IKZF3: variants seen among roughly 807,000 people sequenced by gnomAD.
IKZF3 encodes zinc finger protein Aiolos.
A neutral mutation model predicts 49.0 loss-of-function variants in IKZF3; 10 were observed. That is an observed-to-expected ratio of 0.20 (90% CI 0.13 to 0.35). IKZF3 has a LOEUF of 0.35. IKZF3 is among the 10% of genes least tolerant of loss of function. The probability of loss-of-function intolerance (pLI) is 1.00; values close to 1 mark genes in which losing one functional copy is unlikely to be tolerated. For synonymous variants in IKZF3, 209 were observed against 228.2 expected (o/e 0.92, Z 0.76); for missense variants, 498 against 664.8 (o/e 0.75, Z 2.76).
At chr17:39,780,652 T>C (rs991047376) in intron 6 of IKZF3, among the ~76,000 whole-genome samples, 73 of 151,388 alleles carry the variant, frequency 4.8e-4, no homozygotes, top group African/African-American at 1.6e-3. Context: ...GCCACTGCAC[T>C]CAGCCAAAGC....
chr17:39,793,288 C>T (rs988279188), intron 3 of IKZF3, among the ~76,000 whole-genome samples: 2 of 152,120 alleles, frequency 1.3e-5, no homozygotes, highest in African/African-American at 4.8e-5. Flanking sequence ...AGATCTAGTA[C>T]TGTTTTTGGT....
chr17:39,808,292 C>A (rs2061477618), intron 3 of IKZF3, among the ~76,000 whole-genome samples: 1 of 152,050 alleles, frequency 6.6e-6, no homozygotes, highest in African/African-American at 2.4e-5. Flanking sequence ...CAAGAATTAG[C>A]TTGTTGAAAA....
In IKZF3 at chr17:39,791,297, G is replaced by GT. The variant is rs1300671961; in HGVS notation, c.592+118dup. The GT allele has an allele frequency of 4.4e-5, 47 of 1,069,062 alleles. No individual in the cohort carries two copies. In the East Asian group the frequency reaches 1.1e-3, roughly 25 times the overall value. 66.2% of individuals were successfully genotyped at this position (1,069,062 alleles called of 1,614,324 possible). A position where few individuals can be genotyped will look rare whatever the true frequency, so the allele number is the denominator to read the frequency against. ...ATTAGCCCTAGAGGTCTCTGCTGTT[G>GT]TAACCCTTCAGAACAAGAATGACAG... On this transcript the variant is annotated intron_variant, in intron 5 of 7. Transcript: ENST00000346872.
intron 3 of IKZF3, among the ~76,000 whole-genome samples, chr17:39,806,948 G>A (rs1322361484): frequency 6.6e-6 from 1 of 152,174 alleles, no homozygotes; most frequent in Admixed American, 6.5e-5. Flanking sequence ...CTCCAGTGAA[G>A]AAACGAGGCC....
intron 1 of IKZF3, among the ~76,000 whole-genome samples, chr17:39,856,459 G>C (rs777839789): frequency 6.6e-6 from 1 of 151,994 alleles, no homozygotes; most frequent in African/African-American, 2.4e-5. Flanking sequence ...TTTTAGTAGA[G>C]ATAAGGTTTC....
chr17:39,827,248 C>T (rs2061981374), intron 3 of IKZF3, among the ~76,000 whole-genome samples: 1 of 152,060 alleles, frequency 6.6e-6, no homozygotes, highest in Non-Finnish European at 1.5e-5. Context: ...CTACCTGCCT[C>T]AGCCTCTCAA....
At chr17:39,806,311 T>C (rs936393434) in intron 3 of IKZF3, among the ~76,000 whole-genome samples, 1 of 152,216 alleles carries the variant, frequency 6.6e-6, no homozygotes, top group Non-Finnish European at 1.5e-5. Context: ...ACTGAAAACA[T>C]GATTCATAAA....
At chr17:39,825,277 G>C (rs2061927056) in intron 3 of IKZF3, among the ~76,000 whole-genome samples, 1 of 152,190 alleles carries the variant, frequency 6.6e-6, no homozygotes, top group Non-Finnish European at 1.5e-5. Flanking sequence ...GGTAAAGTCA[G>C]TGTGGACACA....
intron 1 of IKZF3, among the ~76,000 whole-genome samples, chr17:39,840,376 TA>T (rs1164497045): frequency 6.6e-6 from 1 of 152,222 alleles, no homozygotes; most frequent in East Asian, 1.9e-4. Context: ...TAAAAGGCCA[TA>T]AAACAGGCTG....
intron 1 of IKZF3, among the ~76,000 whole-genome samples, chr17:39,845,853 G>A (rs2062614825): frequency 6.6e-6 from 1 of 152,148 alleles, no homozygotes; most frequent in African/African-American, 2.4e-5. Flanking sequence ...CTTTACAAAT[G>A]TCACTGATTG....
intron 1 of IKZF3, among the ~76,000 whole-genome samples, chr17:39,859,961 G>A (rs2144594415): frequency 6.6e-6 from 1 of 152,306 alleles, no homozygotes; most frequent in African/African-American, 2.4e-5. Context: ...GCCAGGTGCA[G>A]TGGCTCACTC....
Position 39,791,481 on chromosome 17 carries a change from CACTTA to C in IKZF3, c.522_526del (p.Phe174LeufsTer19). ...TTGGCATGCATAGTTGCAGAGGTGA[CACTTA>C]AAAGGTTTTTCCCCTGTGTGCAGTT... On this transcript the variant is annotated frameshift_variant, in exon 5 of 8. Transcript: ENST00000346872. LOFTEE classifies it high-confidence loss of function. 6.2e-7 allele frequency: 1 copy of C among 1,614,002 alleles called. No homozygotes were observed. Among genetic ancestry groups the C allele is most frequent in the Non-Finnish European group, 8.5e-7 (1 of 1,179,986 alleles).
intron 3 of IKZF3, among the ~76,000 whole-genome samples, chr17:39,802,580 C>T (rs1442761661): frequency 2.0e-5 from 3 of 149,386 alleles, no homozygotes; most frequent in Non-Finnish European, 4.4e-5. Context: ...GCACTCTAGC[C>T]TGGGAGACAG....
intron 7 of IKZF3, among the ~76,000 whole-genome samples, chr17:39,773,181 C>T (rs1355618372): frequency 6.6e-6 from 1 of 152,160 alleles, no homozygotes. Context: ...ATGCACTGCT[C>T]TTGGTCACCT....
In IKZF3 at chr17:39,759,374, T is replaced by C. The variant is rs2143476314; in HGVS notation, c.*6416A>G. 1 of 152,066 alleles carries C rather than the reference T, an allele frequency of 6.6e-6. No individual in the cohort carries two copies. Among genetic ancestry groups the C allele is most frequent in the African/African-American group, 2.4e-5 (1 of 41,478 alleles). The allele number at this position is 152,066 out of a possible 1,614,324, so 9.4% of individuals were successfully genotyped here. A position where few individuals can be genotyped will look rare whatever the true frequency, so the allele number is the denominator to read the frequency against. Reference sequence around the variant, plus strand: ...GGAGGTTGAGGCGGCAAGTAAGCCTTGATTGTGCCACTGCACTCAGCCTGG... The same window carrying C: ...GGAGGTTGAGGCGGCAAGTAAGCCTCGATTGTGCCACTGCACTCAGCCTGG... On this transcript the variant is annotated 3_prime_UTR_variant, in exon 8 of 8. Coordinates refer to ENST00000346872, the MANE Select transcript of IKZF3 (RefSeq NM_012481.5).
At chr17:39,848,465 A>G (rs2062699034) in intron 1 of IKZF3, among the ~76,000 whole-genome samples, 1 of 152,240 alleles carries the variant, frequency 6.6e-6, no homozygotes, top group Non-Finnish European at 1.5e-5. Flanking sequence ...GCTACTTTAA[A>G]AAGATGTTTC....
intron 1 of IKZF3, among the ~76,000 whole-genome samples, chr17:39,857,623 T>C (rs1373429051): frequency 6.6e-6 from 1 of 152,180 alleles, no homozygotes; most frequent in Admixed American, 6.5e-5. Flanking sequence ...TACCAAACCT[T>C]TAACAGTACC....
intron 6 of IKZF3, among the ~76,000 whole-genome samples, chr17:39,785,027 T>G (rs930562332): frequency 6.6e-6 from 1 of 152,172 alleles, no homozygotes; most frequent in African/African-American, 2.4e-5. Context: ...ACAACAGCAA[T>G]GGAGCATCAT....
chr17:39,804,253 C>T (rs534781551), intron 3 of IKZF3, among the ~76,000 whole-genome samples: 1 of 152,192 alleles, frequency 6.6e-6, no homozygotes, highest in Admixed American at 6.5e-5. Flanking sequence ...TCGAGACCAG[C>T]CTGGCTGACA....
Sources: allele counts gnomAD v4.1 joint callset (sites outside exome capture counted in the v4.1 genomes callset), GRCh38; gene constraint gnomAD v4.1.1; transcripts MANE v1.5; gene names NCBI Gene and HGNC (gene_info 2026-07-23, HGNC 2026-07-21).